CIZ1: variants seen among roughly 807,000 people sequenced by gnomAD.
CIZ1 encodes the protein cip1-interacting zinc finger protein.
CIZ1 carries 58 observed loss-of-function variants against 118.6 expected under a neutral mutation model. The ratio of observed to expected loss-of-function variants is 0.49; its 90% CI spans 0.40 to 0.61. CIZ1 has a LOEUF of 0.61. Ranked by LOEUF, CIZ1 falls within the 20% of genes least tolerant of loss-of-function variation. The pLI is 0.00. For synonymous variants in CIZ1, 448 were observed against 443.4 expected (o/e 1.01, Z -0.13); for missense variants, 921 against 1,115.9 (o/e 0.83, Z 2.49).
Position 128,166,492 on chromosome 9 carries a change from G to A in CIZ1, c.2488-86C>T. The A allele has an allele frequency of 8.5e-7, 1 of 1,179,252 alleles. No homozygotes were observed. Among genetic ancestry groups the A allele is most frequent in the South Asian group, 1.5e-5 (1 of 64,890 alleles). 73.0% of individuals were successfully genotyped at this position (1,179,252 alleles called of 1,614,324 possible). On this transcript the variant is annotated intron_variant, in intron 16 of 16. Transcript: ENST00000372938. This position sits in a 1 kb window ranked among gnomAD's most constrained non-coding sequence, Gnocchi z 4.4. Reference sequence around the variant, plus strand: ...AGCAGCTACTTCCCCAGCTCTGGCTGAGACAGTATTAGTGTGCTCTGTGAC... The same window carrying A: ...AGCAGCTACTTCCCCAGCTCTGGCTAAGACAGTATTAGTGTGCTCTGTGAC...
intron 11 of CIZ1, among the ~76,000 whole-genome samples, chr9:128,170,543 T>G (rs937256197): frequency 6.6e-6 from 1 of 152,102 alleles, no homozygotes; most frequent in Non-Finnish European, 1.5e-5. Flanking sequence ...TGGTCCCAGG[T>G]ACTCAGGAGG....
rs969744903 is a variant in CIZ1 at position 128,169,305 on chromosome 9, C to T, written c.2145+101G>A. 4.3e-6 allele frequency: 6 copies of T among 1,403,342 alleles called. No individual in the cohort carries two copies. In the Admixed American group the frequency reaches 6.8e-5, roughly 16 times the overall value. 86.9% of individuals were successfully genotyped at this position (1,403,342 alleles called of 1,614,324 possible). A position where few individuals can be genotyped will look rare whatever the true frequency, so the allele number is the denominator to read the frequency against. Reference sequence around the variant, plus strand: ...CTGAGAGTCCCAATCCCTCCAGACCCGCTGTGAGTTTGGGCTGGGATAAAC... The same window carrying T: ...CTGAGAGTCCCAATCCCTCCAGACCTGCTGTGAGTTTGGGCTGGGATAAAC... On this transcript the variant is annotated intron_variant, in intron 13 of 16. Transcript: ENST00000372938.
upstream of CIZ1, among the ~76,000 whole-genome samples, chr9:128,192,785 C>T (rs944753885): frequency 6.6e-6 from 1 of 152,238 alleles, no homozygotes; most frequent in Non-Finnish European, 1.5e-5. Context: ...TCAAGTGATT[C>T]GCCTGCCTTG....
chr9:128,179,449 C>G (rs368182829), intron 7 of CIZ1, 34 bp from the exon 8 acceptor site: 2 of 1,535,470 alleles, frequency 1.3e-6, no homozygotes. Context: ...CCAGTCATGT[C>G]TTCAAAGAGG....
chr9:128,168,940 A>C, intron 14 of CIZ1, 112 bp downstream of exon 14: 1 of 1,469,568 alleles, frequency 6.8e-7, no homozygotes, highest in Non-Finnish European at 9.3e-7. Flanking sequence ...TGTGGCATGC[A>C]TTAGTGCCCA....
intron 11 of CIZ1, among the ~76,000 whole-genome samples, chr9:128,170,628 C>G (rs1830013162): frequency 6.6e-6 from 1 of 152,014 alleles, no homozygotes; most frequent in Admixed American, 6.6e-5. Flanking sequence ...GCACTCCAAC[C>G]TGGGTGACAG....
At chr9:128,167,273 T>C in intron 14 of CIZ1, 109 bp from the exon 15 acceptor site, 1 of 801,662 alleles carries the variant, frequency 1.2e-6, no homozygotes, top group Non-Finnish European at 1.9e-6. Flanking sequence ...AGAATCCCCT[T>C]GATTTCCAGG....
At chr9:128,200,058 G>A (rs937248666) in intron 1 of CIZ1, 1 of 151,870 alleles carries the variant, frequency 6.6e-6, no homozygotes, top group African/African-American at 2.4e-5. Context: ...TAAAGTGCTG[G>A]GATTACAGGT....
In CIZ1 at chr9:128,173,923, G is replaced by A. The variant is rs543009039; in HGVS notation, c.1943+2428C>T. On this transcript the variant is annotated intron_variant, in intron 11 of 16. Transcript: ENST00000372938. ...CGGGAGGCGGAGGCAGGAGAATGGCGTGAACCCAGGAGGCGGAGCTTGCAG... is the reference window on the plus strand; with the variant it reads ...CGGGAGGCGGAGGCAGGAGAATGGCATGAACCCAGGAGGCGGAGCTTGCAG... Among the ~76,000 whole-genome samples the A allele has an allele frequency of 2.2e-4, 33 of 152,030 alleles. 1 individual carries two copies. The South Asian group carries it at 5.0e-3, about 23-fold the overall frequency.
In CIZ1 at chr9:128,169,215, A is replaced by C. The variant is rs754951379; in HGVS notation, c.2146-14T>G. On this transcript the variant is annotated splice_polypyrimidine_tract_variant and intron_variant, in intron 13 of 16. Coordinates refer to ENST00000372938, the MANE Select transcript of CIZ1 (RefSeq NM_001131016.2). ...AAGCGACTTCAGCTGCCCAGGGAGT[A>C]GGCAAGGAGCTCAGGTCAGCTCTGA... 5 of 1,613,996 alleles carry C rather than the reference A, an allele frequency of 3.1e-6. No homozygotes were observed. In the Admixed American group the frequency reaches 8.3e-5, roughly 27 times the overall value.
chr9:128,176,319 C>G (rs200170848), intron 11 of CIZ1, 32 bp downstream of exon 11: 115 of 1,610,482 alleles, frequency 7.1e-5, no homozygotes, highest in Admixed American at 1.3e-4. Flanking sequence ...TGCCTACCCC[C>G]CAACACAGAG....
chr9:128,188,771 T>TC (rs1832761024), intron 3 of CIZ1, among the ~76,000 whole-genome samples: 1 of 152,152 alleles, frequency 6.6e-6, no homozygotes, highest in Non-Finnish European at 1.5e-5. Flanking sequence ...TAGCTGGGAT[T>TC]ACAGGCGCAC....
rs1336704046 is a variant in CIZ1 at position 128,185,624 on chromosome 9, G to A, written c.511C>T (p.Pro171Ser). The A allele has an allele frequency of 1.3e-6, 2 of 1,561,656 alleles. No individual in the cohort carries two copies. The highest frequency in any genetic ancestry group is 1.8e-5 in the Admixed American group (1 of 54,108). Residue 171 changes from proline (P) to serine (S), a missense_variant, in exon 5 of 17, where the codon CCT (proline) becomes TCT (serine). Pro to Ser is a moderately conservative substitution (Grantham distance 74). Coordinates refer to ENST00000372938, the MANE Select transcript of CIZ1 (RefSeq NM_001131016.2). ...CGTCCTGAAAGGTTGAACTGGGAAG[G>A]GTTCATGGGGACCCCAACAGGAGGA... is the stretch of plus-strand genomic sequence containing the variant. Reference protein sequence around the residue: ...GPPPVGVPMNPSQFNLSGRNP... With the variant: ...GPPPVGVPMNSSQFNLSGRNP...
At chr9:128,172,614 C>T (rs535468396) in intron 11 of CIZ1, among the ~76,000 whole-genome samples, 1 of 152,314 alleles carries the variant, frequency 6.6e-6, no homozygotes, top group East Asian at 1.9e-4. Flanking sequence ...CCTGTAAGAG[C>T]TCTGCTGGGG....
chr9:128,179,173 G>A lies in CIZ1; in HGVS notation c.1034C>T (p.Ala345Val), dbSNP rs779689980. 57 of 1,613,986 alleles carry A rather than the reference G, an allele frequency of 3.5e-5. No homozygotes were observed. Among genetic ancestry groups the A allele is most frequent in the East Asian group, 3.3e-4 (15 of 44,880 alleles). The change falls in exon 8 of 17, where the codon GCG (alanine) becomes GTG (valine). Residue 345 changes from alanine to valine, a missense_variant. Physicochemically the swap from Ala to Val is moderately conservative, Grantham distance 64. Coordinates refer to ENST00000372938, the MANE Select transcript of CIZ1 (RefSeq NM_001131016.2). ...TQVQPKLQKQ[A>V]QTQTSPEHLV... is the part of the protein sequence containing the mutation. ...GTGCTCTGGAGAGGTCTGTGTTTGC[G>A]CCTGCTTCTGCAGCTTTGGCTGCAC...
In CIZ1 at chr9:128,179,200, T is replaced by G. The variant is rs1223840564; in HGVS notation, c.1007A>C (p.Gln336Pro). ...CTGCTTCTGCAGCTTTGGCTGCACC[T>G]GGGTGTCTGTGGATGGTATCCGCGG... is the stretch of plus-strand genomic sequence containing the variant. ...TQPRIPSTDT[Q>P]VQPKLQKQAQ... Residue 336 changes from glutamine (Q) to proline (P), a missense_variant, in exon 8 of 17, where the codon CAG (glutamine) becomes CCG (proline). Coordinates refer to ENST00000372938, the MANE Select transcript of CIZ1 (RefSeq NM_001131016.2). 6.2e-7 allele frequency: 1 copy of G among 1,613,928 alleles called. No individual in the cohort carries two copies.
chr9:128,168,479 G>A (rs1345146751), intron 14 of CIZ1, among the ~76,000 whole-genome samples: 1 of 145,958 alleles, frequency 6.9e-6, no homozygotes, highest in Non-Finnish European at 1.5e-5. Flanking sequence ...TCGCACCATT[G>A]TACTCTAGCC....
chr9:128,192,498 C>T (rs1319935406), upstream of CIZ1, among the ~76,000 whole-genome samples: 2 of 151,990 alleles, frequency 1.3e-5, no homozygotes, highest in East Asian at 1.9e-4. Context: ...ATCCCCGCGC[C>T]GTAACAATCC....
intron 9 of CIZ1, among the ~76,000 whole-genome samples, chr9:128,178,063 G>C (rs1449602168): frequency 6.6e-6 from 1 of 152,178 alleles, no homozygotes; most frequent in Non-Finnish European, 1.5e-5. Flanking sequence ...ATCCCACAGA[G>C]AGGCTTCCAC....
Sources: allele counts gnomAD v4.1 joint callset (sites outside exome capture counted in the v4.1 genomes callset), GRCh38; gene constraint gnomAD v4.1.1; non-coding constraint Gnocchi (gnomAD v3.1); transcripts MANE v1.5; gene names NCBI Gene and HGNC (gene_info 2026-07-23, HGNC 2026-07-21).